PLPPR5: variants seen among roughly 807,000 people sequenced by gnomAD.
PLPPR5 encodes the protein phospholipid phosphatase-related protein type 5.
In PLPPR5, 16 loss-of-function variants were observed where a neutral mutation model predicts 33.9. That is an observed-to-expected ratio of 0.47 (90% CI 0.32 to 0.72). The LOEUF (loss-of-function observed/expected upper bound fraction) is 0.72. PLPPR5 is among the 30% of genes least tolerant of loss of function. The pLI, the probability that PLPPR5 is intolerant of heterozygous loss-of-function variation, is 0.03. For synonymous variants in PLPPR5, 163 were observed against 150.3 expected (o/e 1.08, Z -0.62); for missense variants, 301 against 406.7 (o/e 0.74, Z 2.23).
At chr1:98,915,347 T>A (rs912501456) in intron 4 of PLPPR5, among the ~76,000 whole-genome samples, 5 of 152,180 alleles carry the variant, frequency 3.3e-5, no homozygotes, top group Non-Finnish European at 5.9e-5. Context: ...ATTATATTCA[T>A]AATAAACCTT....
intron 5 of PLPPR5, among the ~76,000 whole-genome samples, chr1:98,897,352 T>G (rs1451450474): frequency 6.6e-6 from 1 of 152,222 alleles, no homozygotes; most frequent in Non-Finnish European, 1.5e-5. Flanking sequence ...CTGTGAATTT[T>G]CTTCTTGACC....
intron 3 of PLPPR5, among the ~76,000 whole-genome samples, chr1:98,925,035 CA>C (rs1273212701): frequency 2.6e-5 from 4 of 152,208 alleles, no homozygotes; most frequent in African/African-American, 9.6e-5. Context: ...CACTTGTACT[CA>C]GCAACTCTTC....
At chr1:98,930,494 G>A (rs1426700732) in intron 3 of PLPPR5, among the ~76,000 whole-genome samples, 1 of 152,070 alleles carries the variant, frequency 6.6e-6, no homozygotes, top group Non-Finnish European at 1.5e-5. Context: ...TAGATTATGA[G>A]ATACTGTTGA....
At chr1:98,899,000 T>A (rs1031835715) in intron 5 of PLPPR5, among the ~76,000 whole-genome samples, 3 of 152,112 alleles carry the variant, frequency 2.0e-5, no homozygotes, top group African/African-American at 7.2e-5. Flanking sequence ...CCAAAGAAGC[T>A]TAAGGCTTTT....
At chr1:98,980,558 A>T (rs1487407294) in intron 1 of PLPPR5, among the ~76,000 whole-genome samples, 1 of 152,028 alleles carries the variant, frequency 6.6e-6, no homozygotes, top group East Asian at 1.9e-4. Context: ...AACTGGAAAA[A>T]CCTGAGTTTT....
intron 5 of PLPPR5, among the ~76,000 whole-genome samples, chr1:98,904,841 G>A (rs1648837755): frequency 6.6e-6 from 1 of 152,196 alleles, no homozygotes; most frequent in Non-Finnish European, 1.5e-5. Context: ...TGAAGGATCA[G>A]CATATACTAT....
chr1:99,000,196 T>C (rs2100768391), intron 1 of PLPPR5, among the ~76,000 whole-genome samples: 1 of 152,318 alleles, frequency 6.6e-6, no homozygotes, highest in East Asian at 1.9e-4. Flanking sequence ...TCAAAGAGTA[T>C]ATAAACTATA....
rs142029857 is a variant in PLPPR5, at chr1:98,998,205, C to G, written c.237+6230G>C. On this transcript the variant is annotated intron_variant, in intron 1 of 5. Transcript: ENST00000263177. Reference sequence around the variant, plus strand: ...AAGTGAACCAAAATCCTAAGAGGCACAAGAAGGAGTCACTGCACCCCCAAA... The same window carrying G: ...AAGTGAACCAAAATCCTAAGAGGCAGAAGAAGGAGTCACTGCACCCCCAAA... Among the ~76,000 whole-genome samples the G allele has an allele frequency of 7.0e-4, 107 of 152,188 alleles. 1 individual carries two copies. Among genetic ancestry groups the G allele is most frequent in the African/African-American group, 2.3e-3 (97 of 41,508 alleles).
chr1:98,975,290 C>A (rs115497095), intron 1 of PLPPR5, among the ~76,000 whole-genome samples: 1 of 152,030 alleles, frequency 6.6e-6, no homozygotes, highest in Admixed American at 6.6e-5. Context: ...GTTTTTGTGT[C>A]CAATCCCTTC....
At chr1:98,915,787 G>T (rs1649322182) in intron 4 of PLPPR5, among the ~76,000 whole-genome samples, 1 of 152,086 alleles carries the variant, frequency 6.6e-6, no homozygotes, top group South Asian at 2.1e-4. Context: ...GAAGAATGGG[G>T]CCTAGGAGTT....
At chr1:98,905,550 C>G (rs182569249) in intron 5 of PLPPR5, among the ~76,000 whole-genome samples, 151 of 152,144 alleles carry the variant, frequency 9.9e-4, no homozygotes, top group African/African-American at 3.5e-3. Context: ...TCTGGAGAGT[C>G]TTGTACTTTA....
chr1:98,948,962 A>G (rs900390637), intron 3 of PLPPR5, among the ~76,000 whole-genome samples: 1 of 152,220 alleles, frequency 6.6e-6, no homozygotes, highest in African/African-American at 2.4e-5. Flanking sequence ...GACATTTTCA[A>G]AAATCTAAGG....
At chr1:98,985,668 T>A (rs1410715004) in intron 1 of PLPPR5, among the ~76,000 whole-genome samples, 1 of 152,054 alleles carries the variant, frequency 6.6e-6, no homozygotes, top group Non-Finnish European at 1.5e-5. Context: ...ACCATATTTT[T>A]ACTGTACCTC....
intron 1 of PLPPR5, among the ~76,000 whole-genome samples, chr1:98,966,188 T>C (rs1651445963): frequency 6.6e-6 from 1 of 152,324 alleles, no homozygotes; most frequent in East Asian, 1.9e-4. Flanking sequence ...TCCCTTCTAC[T>C]TACCAAGTGA....
At chr1:98,966,548 G>T (rs889834063) in intron 1 of PLPPR5, among the ~76,000 whole-genome samples, 2 of 152,276 alleles carry the variant, frequency 1.3e-5, no homozygotes, top group African/African-American at 4.8e-5. Context: ...TATGTTACTA[G>T]CCGTGGTTAT....
At chr1:98,943,852 T>C (rs959520596) in intron 3 of PLPPR5, among the ~76,000 whole-genome samples, 4 of 152,144 alleles carry the variant, frequency 2.6e-5, no homozygotes, top group Admixed American at 2.6e-4. Flanking sequence ...ATATTGGCCA[T>C]TGATTTGTTT....
chr1:98,954,881 G>C (rs1299072379), intron 2 of PLPPR5, among the ~76,000 whole-genome samples: 1 of 152,040 alleles, frequency 6.6e-6, no homozygotes, highest in Non-Finnish European at 1.5e-5. Flanking sequence ...AGGCTGTTTG[G>C]TGTAACGGGT....
intron 1 of PLPPR5, among the ~76,000 whole-genome samples, chr1:98,989,831 G>C (rs1474043379): frequency 2.6e-5 from 4 of 152,036 alleles, no homozygotes. Flanking sequence ...TCTTTCCTCA[G>C]CCCTTTTATG....
At chr1:98,997,459 G>C (rs1466675384) in intron 1 of PLPPR5, among the ~76,000 whole-genome samples, 2 of 152,094 alleles carry the variant, frequency 1.3e-5, no homozygotes, top group Non-Finnish European at 2.9e-5. Flanking sequence ...TTAATACATG[G>C]TATCAGCTAT....
Sources: allele counts gnomAD v4.1 joint callset (sites outside exome capture counted in the v4.1 genomes callset), GRCh38; gene constraint gnomAD v4.1.1; transcripts MANE v1.5; gene names NCBI Gene and HGNC (gene_info 2026-07-23, HGNC 2026-07-21).